ATF7IP: variants seen among roughly 807,000 people sequenced by gnomAD.
The protein encoded by ATF7IP is activating transcription factor 7-interacting protein 1.
ATF7IP carries 23 observed loss-of-function variants against 106.4 expected under a neutral mutation model. That is an observed-to-expected ratio of 0.22 (90% CI 0.16 to 0.31). The LOEUF (loss-of-function observed/expected upper bound fraction) is 0.31. ATF7IP is among the 10% of genes least tolerant of loss of function. ATF7IP has a pLI of 1.00. For synonymous variants in ATF7IP, 542 were observed against 539.0 expected (o/e 1.01, Z -0.08); for missense variants, 1,334 against 1,524.3 (o/e 0.88, Z 2.08).
chr12:14,423,595 TTTTAC>T (rs1941657251), intron 1 of ATF7IP, among the ~76,000 whole-genome samples: 1 of 146,116 alleles, frequency 6.8e-6, no homozygotes, highest in Admixed American at 6.8e-5. Flanking sequence ...TTTTTTTTTT[TTTTAC>T]TTTATCTACC....
intron 10 of ATF7IP, among the ~76,000 whole-genome samples, chr12:14,466,927 A>G (rs1477813237): frequency 6.6e-6 from 1 of 152,094 alleles, no homozygotes; most frequent in South Asian, 2.1e-4. Context: ...TTCCAGGTAC[A>G]TCTTTTTTAA....
chr12:14,420,962 A>G (rs1289267442), intron 1 of ATF7IP, among the ~76,000 whole-genome samples: 1 of 152,206 alleles, frequency 6.6e-6, no homozygotes, highest in Non-Finnish European at 1.5e-5. Flanking sequence ...CCTCCTGTAC[A>G]TCTTAGTCCT....
rs1945073601 is a variant in ATF7IP, at chr12:14,498,335, GGGTGTTTATGTGTGTTTTTCCTTATGTA to G, written c.*269_*296del. On this transcript the variant is annotated 3_prime_UTR_variant, in exon 15 of 15. Coordinates refer to ENST00000261168, the MANE Select transcript of ATF7IP (RefSeq NM_018179.5). ...AGTTTTGAGGCTGGGGAATATGTGT[GGGTGTTTATGTGTGTTTTTCCTTATGTA>G]GGTGTTATTGCATTGGAGTCTCCCA... is the stretch of plus-strand genomic sequence containing the variant. The G allele has an allele frequency of 2.6e-6, 1 of 382,038 alleles. No individual in the cohort carries two copies. Among genetic ancestry groups the G allele is most frequent in the Admixed American group, 4.2e-5 (1 of 24,076 alleles). 23.7% of individuals were successfully genotyped at this position (382,038 alleles called of 1,614,324 possible). A position where few individuals can be genotyped will look rare whatever the true frequency, so the allele number is the denominator to read the frequency against.
At chr12:14,449,078 C>CT (rs973909438) in intron 6 of ATF7IP, among the ~76,000 whole-genome samples, 9 of 152,036 alleles carry the variant, frequency 5.9e-5, no homozygotes, top group Non-Finnish European at 1.3e-4. Context: ...TTATTTGCAA[C>CT]TTTTTTGCAT....
rs1365900370 is a variant in ATF7IP at position 14,487,218 on chromosome 12, CT to C, written c.3280+6035del. Among the ~76,000 whole-genome samples, 17 of 151,026 alleles carry C rather than the reference CT, an allele frequency of 1.1e-4. No homozygotes were observed. In the East Asian group the frequency reaches 3.3e-3, roughly 29 times the overall value. Reference sequence around the variant, plus strand: ...AATTCAGCCTGATCCAACTTTGTTCCTTCCATCATAATCTTATACCCTTAAT... The same window carrying C: ...AATTCAGCCTGATCCAACTTTGTTCCTCCATCATAATCTTATACCCTTAAT... On this transcript the variant is annotated intron_variant, in intron 13 of 14. Coordinates refer to ENST00000261168, the MANE Select transcript of ATF7IP (RefSeq NM_018179.5).
chr12:14,423,934 C>A lies in ATF7IP; in HGVS notation c.19C>A (p.Pro7Thr). The change falls in exon 2 of 15, where the codon CCT becomes ACT. Residue 7 changes from proline (P) to threonine (T), a missense_variant. By Grantham distance (38) the Pro-to-Thr change is conservative. Coordinates refer to ENST00000261168, the MANE Select transcript of ATF7IP (RefSeq NM_018179.5). MDSLEE[P>T]QKKVFKARKT... ...ATTCAGAATGGACAGTTTAGAAGAACCTCAGAAAAAAGTCTTTAAGGCTCG... is the reference window on the plus strand; with the variant it reads ...ATTCAGAATGGACAGTTTAGAAGAAACTCAGAAAAAAGTCTTTAAGGCTCG... 1.2e-6 allele frequency: 2 copies of A among 1,603,960 alleles called. No homozygotes were observed. The highest frequency in any genetic ancestry group is 1.7e-6 in the Non-Finnish European group (2 of 1,176,466).
At chr12:14,374,940 T>G (rs1043531308) in intron 1 of ATF7IP, among the ~76,000 whole-genome samples, 2 of 152,170 alleles carry the variant, frequency 1.3e-5, no homozygotes, top group Admixed American at 1.3e-4. Flanking sequence ...ACTTTATAAG[T>G]TTCCTGGGGT....
intron 1 of ATF7IP, chr12:14,419,243 A>G (rs1941364019): frequency 6.6e-6 from 1 of 152,148 alleles, no homozygotes; most frequent in Non-Finnish European, 1.5e-5. Flanking sequence ...CTCACACAGT[A>G]GGTTTCCTGG....
intron 13 of ATF7IP, among the ~76,000 whole-genome samples, chr12:14,487,617 C>T (rs1004675605): frequency 1.3e-5 from 2 of 152,108 alleles, no homozygotes; most frequent in Admixed American, 1.3e-4. Context: ...ACTGTAGACA[C>T]CTGGTGAGTC....
At chr12:14,443,004 A>C (rs2136648771) in intron 5 of ATF7IP, among the ~76,000 whole-genome samples, 1 of 152,090 alleles carries the variant, frequency 6.6e-6, no homozygotes, top group Admixed American at 6.5e-5. Flanking sequence ...AAAATACAAA[A>C]ATTAGCTGGG....
intron 13 of ATF7IP, among the ~76,000 whole-genome samples, chr12:14,487,896 C>T (rs572881859): frequency 6.6e-6 from 1 of 152,258 alleles, no homozygotes; most frequent in East Asian, 1.9e-4. Flanking sequence ...TCCAAGGTAT[C>T]GTGTATAGAG....
chr12:14,440,062 A>G (rs958699915), intron 5 of ATF7IP, among the ~76,000 whole-genome samples: 4 of 152,180 alleles, frequency 2.6e-5, no homozygotes, highest in Non-Finnish European at 5.9e-5. Context: ...AATTCTTGGA[A>G]AACTCTTGAA....
At chr12:14,416,795 T>C in intron 1 of ATF7IP, 6 of 435,498 alleles carry the variant, frequency 1.4e-5, no homozygotes, top group Non-Finnish European at 1.8e-5. Context: ...GACACTGATG[T>C]CTGATTGGTT....
At position 14,424,851 on chromosome 12, in the gene ATF7IP, A is replaced by C. The variant is rs1941753498; in HGVS notation, c.936A>C (p.Lys312Asn). Residue 312 changes from lysine (K) to asparagine (N), a missense_variant, in exon 2 of 15, where the codon AAA (lysine) becomes AAC (asparagine). Lys to Asn is a moderately conservative substitution (Grantham distance 94). This residue lies in a region of ATF7IP where 438 missense variants were observed against 405.3 expected (regional missense o/e 1.08). Coordinates refer to ENST00000261168, the MANE Select transcript of ATF7IP (RefSeq NM_018179.5). The stretch of plus-strand genomic sequence containing the variant: ...ACAATATAGAACCAAGTAGCAATAA[A>C]GATGATGATTTTCTTGAAAAAAATG... ...EIDNIEPSSN[K>N]DDDFLEKNGA... 4.3e-6 allele frequency: 7 copies of C among 1,613,124 alleles called. No homozygotes were observed. The highest frequency in any genetic ancestry group is 5.1e-6 in the Non-Finnish European group (6 of 1,179,798).
At chr12:14,377,422 C>A (rs1174210106) in intron 1 of ATF7IP, among the ~76,000 whole-genome samples, 1 of 149,230 alleles carries the variant, frequency 6.7e-6, no homozygotes, top group Non-Finnish European at 1.5e-5. Flanking sequence ...GTGGCAAGAT[C>A]TCTGCTCATT....
chr12:14,389,792 TA>T (rs1454507996), intron 1 of ATF7IP, among the ~76,000 whole-genome samples: 1 of 152,110 alleles, frequency 6.6e-6, no homozygotes, highest in Non-Finnish European at 1.5e-5. Context: ...CACGCCCGGC[TA>T]ATTTTGTATT....
chr12:14,453,814 A>G (rs990181212), intron 6 of ATF7IP, among the ~76,000 whole-genome samples: 3 of 151,938 alleles, frequency 2.0e-5, no homozygotes, highest in Non-Finnish European at 4.4e-5. Flanking sequence ...TAGTAGATAC[A>G]AGCTTTCACC....
At chr12:14,460,370 A>C (rs1474900659) in intron 8 of ATF7IP, 125 bp from the exon 9 acceptor site, 3 of 943,156 alleles carry the variant, frequency 3.2e-6, no homozygotes, top group East Asian at 5.4e-5. Flanking sequence ...AAAAAATTTC[A>C]TGATAAAAGA....
intron 13 of ATF7IP, chr12:14,482,336 A>G (rs112019202): frequency 0.049 from 7,712 of 158,966 alleles, 670 homozygotes; most frequent in African/African-American, 0.18. Flanking sequence ...ATTAACTTAC[A>G]TGATCACAAG....
Sources: allele counts gnomAD v4.1 joint callset (sites outside exome capture counted in the v4.1 genomes callset), GRCh38; gene constraint gnomAD v4.1.1; regional missense constraint gnomAD v4.1.1; transcripts MANE v1.5; gene names NCBI Gene and HGNC (gene_info 2026-07-23, HGNC 2026-07-21).